RFT1: variants seen among roughly 807,000 people sequenced by gnomAD.
RFT1 encodes RFT1 glycolipid translocator homolog.
A neutral mutation model predicts 62.2 loss-of-function variants in RFT1; 43 were observed. That is an observed-to-expected ratio of 0.69 (90% CI 0.54 to 0.89). The LOEUF is 0.89. RFT1 is among the 40% of genes least tolerant of loss of function. The pLI is 0.00. For missense variants in RFT1, 605 were observed against 649.9 expected (o/e 0.93, Z 0.75); for synonymous variants, 262 against 264.6 (o/e 0.99, Z 0.10).
At chr3:53,092,321 G>T (rs1270337423) in intron 12 of RFT1, 48 bp downstream of exon 12, 1 of 1,574,676 alleles carries the variant, frequency 6.4e-7, no homozygotes. Context: ...GGGAGAGACA[G>T]CGGGGCAGCT....
At chr3:53,085,955 C>T (rs570577112), downstream of RFT1, 1 of 152,314 alleles carries the variant, frequency 6.6e-6, no homozygotes, top group African/African-American at 2.4e-5. Context: ...CTCTGATACA[C>T]CCAGACAGTT....
chr3:53,075,765 C>T, the RFT1 span, among the ~76,000 whole-genome samples: 6,986 of 152,228 alleles, frequency 0.046, 553 homozygotes, highest in African/African-American at 0.16. Context: ...AATGAAGAGT[C>T]ACCTGCAGCA....
chr3:53,108,304 G>A (rs1701547820), intron 7 of RFT1, among the ~76,000 whole-genome samples: 1 of 151,412 alleles, frequency 6.6e-6, no homozygotes, highest in Non-Finnish European at 1.5e-5. Flanking sequence ...CACCTGCCTT[G>A]GCCTCCCAAA....
At position 53,091,597 on chromosome 3, in the gene RFT1, G is replaced by A; in HGVS notation, c.*306C>T. 2.7e-6 allele frequency: 1 copy of A among 374,410 alleles called. No individual in the cohort carries two copies. Among genetic ancestry groups the A allele is most frequent in the Non-Finnish European group, 5.1e-6 (1 of 197,440 alleles). 23.2% of individuals were successfully genotyped at this position (374,410 alleles called of 1,614,324 possible). On this transcript the variant is annotated 3_prime_UTR_variant, in exon 13 of 13. Transcript: ENST00000296292. Reference sequence around the variant, plus strand: ...TTTGTTGGAGCATGTAGCTCCAAAGGCCAATCATACGCAAAAGGAATGAGT... The same window carrying A: ...TTTGTTGGAGCATGTAGCTCCAAAGACCAATCATACGCAAAAGGAATGAGT...
intron 11 of RFT1, among the ~76,000 whole-genome samples, chr3:53,093,504 A>C (rs576506205): frequency 1.1e-4 from 16 of 152,340 alleles, no homozygotes; most frequent in Admixed American, 4.6e-4. Context: ...GCAGGCACTC[A>C]AAGTATATAG....
chr3:53,112,835 T>C (rs1178839692), intron 6 of RFT1, among the ~76,000 whole-genome samples: 1 of 152,110 alleles, frequency 6.6e-6, no homozygotes, highest in African/African-American at 2.4e-5. Context: ...GGTCAACCTA[T>C]TAAGAGACAG....
intron 11 of RFT1, among the ~76,000 whole-genome samples, chr3:53,096,802 T>C (rs1021087847): frequency 1.3e-5 from 2 of 152,152 alleles, no homozygotes; most frequent in Non-Finnish European, 2.9e-5. Context: ...TGGAGTGCAA[T>C]GGCATGATCT....
chr3:53,098,998 G>C (rs1367964576), intron 11 of RFT1, among the ~76,000 whole-genome samples: 1 of 152,130 alleles, frequency 6.6e-6, no homozygotes, highest in Non-Finnish European at 1.5e-5. Flanking sequence ...GGGTAGGAAT[G>C]TGCATCTTGA....
intron 12 of RFT1, 86 bp from the exon 13 acceptor site, chr3:53,092,156 C>T: frequency 1.3e-6 from 2 of 1,548,220 alleles, no homozygotes; most frequent in East Asian, 2.3e-5. Context: ...GCTGTGGTTC[C>T]AGCTTCTAAG....
chr3:53,104,910 A>C (rs1232189487), intron 9 of RFT1, among the ~76,000 whole-genome samples: 1 of 152,248 alleles, frequency 6.6e-6, no homozygotes, highest in East Asian at 1.9e-4. Context: ...CAGTTGTAAG[A>C]AGCTTAAATA....
Sources: allele counts gnomAD v4.1 joint callset (sites outside exome capture counted in the v4.1 genomes callset), GRCh38; gene constraint gnomAD v4.1.1; transcripts MANE v1.5; gene names NCBI Gene and HGNC (gene_info 2026-07-23, HGNC 2026-07-21).